The following ADAMTSL3 variants were observed in gnomAD, a reference collection of about 807,000 sequenced individuals.
ADAMTSL3 encodes the protein ADAMTS-like protein 3.
Under a neutral mutation model 201.7 loss-of-function variants are expected in ADAMTSL3, and 128 were observed. That is an observed-to-expected ratio of 0.63 (90% CI 0.55 to 0.73). The LOEUF (loss-of-function observed/expected upper bound fraction) is 0.73. Ranked by LOEUF, ADAMTSL3 falls within the 30% of genes least tolerant of loss-of-function variation. The pLI, the probability that ADAMTSL3 is intolerant of heterozygous loss-of-function variation, is 0.00. For missense variants in ADAMTSL3, 1,990 were observed against 2,119.6 expected (o/e 0.94, Z 1.20); for synonymous variants, 738 against 748.4 (o/e 0.99, Z 0.23).
chr15:83,838,404 G>C (rs1225624213), intron 7 of ADAMTSL3, among the ~76,000 whole-genome samples, 189 bp downstream of exon 7: 3 of 152,122 alleles, frequency 2.0e-5, no homozygotes, highest in Non-Finnish European at 2.9e-5. Flanking sequence ...CTTTGAAGAG[G>C]ACCCGTTTTC....
At chr15:83,673,916 C>A (rs746389468) in intron 2 of ADAMTSL3, among the ~76,000 whole-genome samples, 7 of 152,142 alleles carry the variant, frequency 4.6e-5, no homozygotes, top group Non-Finnish European at 1.0e-4. Context: ...TTCTTCTCTG[C>A]TTTCTGTTTG....
rs4842920 is a variant in ADAMTSL3, at chr15:83,870,672, G to T, written c.803-130G>T. 176,937 of 733,488 alleles carry T rather than the reference G, an allele frequency of 0.24. 24,265 individuals are homozygous for T. Among genetic ancestry groups the T allele is most frequent in the Non-Finnish European group, 0.28 (137,140 of 484,584 alleles). 45.4% of individuals were successfully genotyped at this position (733,488 alleles called of 1,614,324 possible). A position where few individuals can be genotyped will look rare whatever the true frequency, so the allele number is the denominator to read the frequency against. On this transcript the variant is annotated intron_variant, in intron 8 of 29. Coordinates refer to ENST00000286744, the MANE Select transcript of ADAMTSL3 (RefSeq NM_207517.3). ...ATCTATTCCACCAATATCAATGAAT[G>T]TTTGTAAACTGAGTGGCTATTTTGA...
rs114991800 is a variant in ADAMTSL3 at position 83,977,158 on chromosome 15, C to T, written c.2645-5115C>T. Among the ~76,000 whole-genome samples the T allele has an allele frequency of 1.2e-3, 183 of 152,210 alleles. 1 individual carries two copies. Among genetic ancestry groups the T allele is most frequent in the African/African-American group, 2.5e-3 (102 of 41,538 alleles). On this transcript the variant is annotated intron_variant, in intron 20 of 29. Coordinates refer to ENST00000286744, the MANE Select transcript of ADAMTSL3 (RefSeq NM_207517.3). ...GGAACACAAACCCTATTGTGAACTG[C>T]GCATGCGAGGGATCTAGGTTGCAGC...
intron 2 of ADAMTSL3, among the ~76,000 whole-genome samples, chr15:83,666,654 A>G (rs79530275): frequency 0.015 from 2,304 of 152,082 alleles, 71 homozygotes; most frequent in African/African-American, 0.052. Context: ...TCTGCACAAT[A>G]TAGGGAGACC....
intron 3 of ADAMTSL3, among the ~76,000 whole-genome samples, chr15:83,761,072 G>A (rs921295706): frequency 3.3e-5 from 5 of 151,872 alleles, no homozygotes; most frequent in African/African-American, 7.3e-5. Flanking sequence ...TTGATTAAAT[G>A]TGTTTTCTTA....
At chr15:83,818,027 A>C (rs2063796038) in intron 5 of ADAMTSL3, among the ~76,000 whole-genome samples, 1 of 152,196 alleles carries the variant, frequency 6.6e-6, no homozygotes, top group African/African-American at 2.4e-5. Context: ...GAAAACGCAA[A>C]CGAAAACAAT....
chr15:83,844,427 T>C (rs1462694666), intron 7 of ADAMTSL3, among the ~76,000 whole-genome samples: 3 of 152,180 alleles, frequency 2.0e-5, no homozygotes. Context: ...GCAAGGAAGA[T>C]TGTGTAGGAT....
intron 3 of ADAMTSL3, among the ~76,000 whole-genome samples, chr15:83,721,679 G>C (rs1596087561): frequency 2.6e-5 from 4 of 152,106 alleles, no homozygotes; most frequent in Admixed American, 2.0e-4. Flanking sequence ...TTCTGAAGTA[G>C]ATTTACAACA....
In ADAMTSL3 at chr15:83,982,772, C is replaced by A. The variant is rs200173381; in HGVS notation, c.3144C>A (p.Asp1048Glu). ...NNKNDLYLDD[D>E]HISNQPFLRA... ...AAAATGACCTTTATCTGGATGATGA[C>A]CACATTAGTAACCAGCCTTTCTTGA... The change falls in exon 21 of 30, where the codon GAC becomes GAA. Residue 1048 changes from aspartate to glutamate, a missense_variant. Asp to Glu is a conservative substitution (Grantham distance 45). Transcript: ENST00000286744. 418 of 1,614,092 alleles carry A rather than the reference C, an allele frequency of 2.6e-4. 4 individuals are homozygous for A. The Admixed American group carries it at 6.6e-3, about 26-fold the overall frequency.
chr15:83,665,379 A>G (rs972835650), intron 2 of ADAMTSL3, among the ~76,000 whole-genome samples: 10 of 152,164 alleles, frequency 6.6e-5, no homozygotes, highest in Non-Finnish European at 1.3e-4. Context: ...GAGGCACTGA[A>G]TAAAGGAAGG....
At chr15:83,910,883 G>A (rs1346455417) in intron 15 of ADAMTSL3, among the ~76,000 whole-genome samples, 9 of 149,554 alleles carry the variant, frequency 6.0e-5, no homozygotes, top group African/African-American at 1.2e-4. Context: ...CAGGTGATTC[G>A]CCCGCCTCAG....
chr15:83,898,287 C>T (rs1416279271), intron 14 of ADAMTSL3, among the ~76,000 whole-genome samples: 2 of 150,462 alleles, frequency 1.3e-5, no homozygotes, highest in Non-Finnish European at 3.0e-5. Flanking sequence ...AAATGCAGTC[C>T]CTCCCTTGAA....
At chr15:83,837,465 T>C (rs2141975898) in intron 6 of ADAMTSL3, among the ~76,000 whole-genome samples, 1 of 151,994 alleles carries the variant, frequency 6.6e-6, no homozygotes, top group South Asian at 2.1e-4. Flanking sequence ...ACGTCTGTAA[T>C]GTTCTGTTTA....
intron 2 of ADAMTSL3, among the ~76,000 whole-genome samples, chr15:83,680,262 T>G (rs2061459727): frequency 6.6e-6 from 1 of 152,112 alleles, no homozygotes; most frequent in African/African-American, 2.4e-5. Context: ...CCCACCACTA[T>G]ATTGTTCCTT....
chr15:83,912,674 A>G (rs1465950201), intron 15 of ADAMTSL3, among the ~76,000 whole-genome samples: 14 of 152,188 alleles, frequency 9.2e-5, no homozygotes. Context: ...GTTTAATACT[A>G]CTCTGCCCAT....
chr15:83,756,433 A>G (rs1567123433), intron 3 of ADAMTSL3, among the ~76,000 whole-genome samples: 1 of 152,174 alleles, frequency 6.6e-6, no homozygotes, highest in East Asian at 1.9e-4. Context: ...TTATAAAACC[A>G]TCAGATGTTG....
At chr15:83,967,658 T>C (rs1435118184) in intron 19 of ADAMTSL3, among the ~76,000 whole-genome samples, 2 of 152,260 alleles carry the variant, frequency 1.3e-5, no homozygotes, top group Admixed American at 6.5e-5. Flanking sequence ...CCTTTGACTT[T>C]CTTCACAGAA....
intron 3 of ADAMTSL3, among the ~76,000 whole-genome samples, chr15:83,771,862 C>T (rs946135032): frequency 6.7e-6 from 1 of 148,928 alleles, no homozygotes; most frequent in Non-Finnish European, 1.5e-5. Flanking sequence ...AGCTTTTTTT[C>T]TTTTTTTTTT....
At chr15:83,872,598 CCACACACA>C (rs149299146) in intron 9 of ADAMTSL3, among the ~76,000 whole-genome samples, 1 of 46,500 alleles carries the variant, frequency 2.2e-5, no homozygotes, top group African/African-American at 8.5e-5. Flanking sequence ...AAAATATACA[CCACACACA>C]CACACACACA....
Sources: allele counts gnomAD v4.1 joint callset (sites outside exome capture counted in the v4.1 genomes callset), GRCh38; gene constraint gnomAD v4.1.1; transcripts MANE v1.5; gene names NCBI Gene and HGNC (gene_info 2026-07-23, HGNC 2026-07-21).